The following MYO9A variants were observed in gnomAD, a reference collection of about 807,000 sequenced individuals.
The protein encoded by MYO9A is unconventional myosin-IXa.
Under a neutral mutation model 293.3 loss-of-function variants are expected in MYO9A, and 103 were observed. That is an observed-to-expected ratio of 0.35 (90% CI 0.30 to 0.41). The LOEUF (loss-of-function observed/expected upper bound fraction) is 0.41, where lower values mean the gene tolerates loss of function less well. MYO9A is among the 10% of genes least tolerant of loss of function. MYO9A has a pLI of 1.00. For missense variants in MYO9A, 2,685 were observed against 3,033.0 expected (o/e 0.89, Z 2.69); for synonymous variants, 1,001 against 1,035.7 (o/e 0.97, Z 0.64).
At chr15:71,880,299 G>A in intron 29 of MYO9A, 36 bp downstream of exon 29, 1 of 1,566,172 alleles carries the variant, frequency 6.4e-7, no homozygotes, top group Admixed American at 1.7e-5. Context: ...CATACACAGA[G>A]CTGCTCCAGG....
chr15:71,891,052 TTGTTCC>T (rs2057161770), intron 26 of MYO9A: 1 of 152,146 alleles, frequency 6.6e-6, no homozygotes, highest in African/African-American at 2.4e-5. Context: ...CATTTAAAAA[TTGTTCC>T]TACCCACCCC....
chr15:72,069,601 C>G lies in MYO9A; in HGVS notation c.-71-22967G>C, dbSNP rs12593857. ...AAATAATTTGTGACAAACCACTTAT[C>G]AGGTTATGGAAGCAGACAGGAGAAT... On this transcript the variant is annotated intron_variant, in intron 1 of 41. Transcript: ENST00000356056. Among the ~76,000 whole-genome samples, 9 of 152,096 alleles carry G rather than the reference C, an allele frequency of 5.9e-5. No homozygotes were observed. The East Asian group carries it at 1.7e-3, about 29-fold the overall frequency.
intron 1 of MYO9A, among the ~76,000 whole-genome samples, chr15:72,076,032 G>T (rs1470104031): frequency 6.6e-6 from 1 of 152,076 alleles, no homozygotes. Flanking sequence ...GGCCAGGCGT[G>T]GTGGCTCATG....
intron 9 of MYO9A, among the ~76,000 whole-genome samples, chr15:71,998,061 G>A (rs540915881): frequency 1.3e-5 from 2 of 152,064 alleles, no homozygotes; most frequent in Admixed American, 6.6e-5. Context: ...GCAAAGACAT[G>A]GAATCAACCT....
intron 3 of MYO9A, among the ~76,000 whole-genome samples, chr15:72,031,927 G>C (rs1257985410): frequency 6.6e-6 from 1 of 151,756 alleles, no homozygotes; most frequent in East Asian, 1.9e-4. Context: ...TTTTTTGAGA[G>C]ACAGAGTCTC....
intron 14 of MYO9A, among the ~76,000 whole-genome samples, chr15:71,958,088 C>A (rs1216229495): frequency 6.6e-6 from 1 of 152,138 alleles, no homozygotes; most frequent in Non-Finnish European, 1.5e-5. Flanking sequence ...TGTAATTCTG[C>A]AGATTTCATC....
chr15:72,061,665 C>T (rs1259163846), intron 1 of MYO9A, among the ~76,000 whole-genome samples: 1 of 151,790 alleles, frequency 6.6e-6, no homozygotes, highest in Non-Finnish European at 1.5e-5. Context: ...ACCAGCTCAG[C>T]CACAGAAAAA....
intron 33 of MYO9A, among the ~76,000 whole-genome samples, chr15:71,862,069 T>C (rs1408525369): frequency 6.6e-6 from 1 of 152,066 alleles, no homozygotes; most frequent in Non-Finnish European, 1.5e-5. Context: ...GAAGCAGAGG[T>C]TGCAGTGAGC....
chr15:72,100,268 G>A (rs1182349714), intron 1 of MYO9A, among the ~76,000 whole-genome samples: 3 of 152,008 alleles, frequency 2.0e-5, no homozygotes, highest in African/African-American at 7.2e-5. Context: ...TGGAATCCCA[G>A]CACTTTGAGA....
At chr15:72,023,695 CAAA>C (rs368209775) in intron 4 of MYO9A, among the ~76,000 whole-genome samples, 3 of 51,284 alleles carry the variant, frequency 5.8e-5, no homozygotes, top group Non-Finnish European at 9.2e-5. Context: ...AACTCTGTCT[CAAA>C]AAAAAAAAAA....
intron 10 of MYO9A, among the ~76,000 whole-genome samples, chr15:71,992,618 C>T (rs1467974280): frequency 6.6e-6 from 1 of 151,812 alleles, no homozygotes; most frequent in East Asian, 1.9e-4. Flanking sequence ...GAAAAATTAA[C>T]ATAAGAGCAA....
chr15:71,862,551 C>G lies in MYO9A; in HGVS notation c.6040G>C (p.Glu2014Gln). ...ATCCATATCAAAGAAGAACAGTATTCACAGTATGTAGGGATGCTATATTGG... is the reference window on the plus strand; with the variant it reads ...ATCCATATCAAAGAAGAACAGTATTGACAGTATGTAGGGATGCTATATTGG... ...ATQYSIPTYC[E>Q]YCSSLIWIMD... The change falls in exon 33 of 42, where the codon GAA becomes CAA. Residue 2014 changes from glutamate to glutamine, a missense_variant. This residue lies in a region of MYO9A where 14 missense variants were observed against 38.0 expected (regional missense o/e 0.37). Transcript: ENST00000356056. 1.9e-6 allele frequency: 3 copies of G among 1,613,428 alleles called. No homozygotes were observed. The highest frequency in any genetic ancestry group is 2.5e-6 in the Non-Finnish European group (3 of 1,179,484).
Position 71,963,446 on chromosome 15 carries a change from T to C in MYO9A, c.1987-3350A>G, listed in dbSNP as rs139437883. Among the ~76,000 whole-genome samples, 17 of 151,418 alleles carry C rather than the reference T, an allele frequency of 1.1e-4. No individual in the cohort carries two copies. The East Asian group carries it at 3.3e-3, about 29-fold the overall frequency. ...GTGATCAGAACCAGAGTTACGACTTTATTTTATTTTATGTATTTAGAGACA... is the reference window on the plus strand; with the variant it reads ...GTGATCAGAACCAGAGTTACGACTTCATTTTATTTTATGTATTTAGAGACA... On this transcript the variant is annotated intron_variant, in intron 13 of 41. Coordinates refer to ENST00000356056, the MANE Select transcript of MYO9A (RefSeq NM_006901.4).
intron 27 of MYO9A, among the ~76,000 whole-genome samples, chr15:71,886,895 AT>A (rs1567230896): frequency 6.6e-6 from 1 of 151,990 alleles, no homozygotes; most frequent in Non-Finnish European, 1.5e-5. Context: ...TCTGCTCTGG[AT>A]TTGGATTACC....
intron 1 of MYO9A, among the ~76,000 whole-genome samples, chr15:72,113,234 G>A (rs2080846924): frequency 6.6e-6 from 1 of 152,148 alleles, no homozygotes; most frequent in African/African-American, 2.4e-5. Flanking sequence ...TGCTACAGGA[G>A]CACATAAGAA....
intron 28 of MYO9A, among the ~76,000 whole-genome samples, chr15:71,881,528 T>G (rs935793148): frequency 6.6e-6 from 1 of 152,192 alleles, no homozygotes; most frequent in East Asian, 1.9e-4. Context: ...TTCAAACATA[T>G]ATCAACTGAT....
intron 26 of MYO9A, chr15:71,892,965 C>T (rs2057221962): frequency 8.0e-7 from 1 of 1,251,976 alleles, no homozygotes; most frequent in Non-Finnish European, 1.0e-6. Flanking sequence ...GTAAAATTAC[C>T]ATTTCGGAGT....
intron 1 of MYO9A, among the ~76,000 whole-genome samples, chr15:72,109,444 T>C (rs1440663128): frequency 2.0e-5 from 3 of 151,718 alleles, no homozygotes; most frequent in Non-Finnish European, 2.9e-5. Context: ...AATGCAAATA[T>C]GGATGGCATA....
At position 71,917,976 on chromosome 15, in the gene MYO9A, T is replaced by TA. The variant is rs202015237; in HGVS notation, c.2563-1485dup. Among the ~76,000 whole-genome samples, 28 of 147,894 alleles carry TA rather than the reference T, an allele frequency of 1.9e-4. 1 individual carries two copies. Among genetic ancestry groups the TA allele is most frequent in the South Asian group, 1.5e-3 (7 of 4,646 alleles). The stretch of plus-strand genomic sequence containing the variant: ...AATGAAAAGGCTTATCATCTGTATG[T>TA]AAAAAAAAAACTTTTAAAAATTCTT... On this transcript the variant is annotated intron_variant, in intron 18 of 41. Coordinates refer to ENST00000356056, the MANE Select transcript of MYO9A (RefSeq NM_006901.4).
Sources: gnomAD v4.1 joint callset for allele counts (sites outside exome capture counted in the v4.1 genomes callset) on GRCh38, gnomAD v4.1.1 for gene constraint, gnomAD v4.1.1 regional missense constraint, MANE v1.5 for transcripts, NCBI Gene and HGNC (gene_info 2026-07-23, HGNC 2026-07-21) for gene names.